Variants in STPG2 observed in about 807,000 individuals in gnomAD.
STPG2 encodes sperm-tail PG-rich repeat-containing protein 2.
In STPG2, 56 loss-of-function variants were observed where a neutral mutation model predicts 54.2. The observed-to-expected ratio is 1.03, with a 90% CI of 0.83 to 1.29. The LOEUF (loss-of-function observed/expected upper bound fraction) is 1.29. Among genes scored for constraint, STPG2 ranks in the 50% most tolerant of loss-of-function variants. The pLI is 0.00. For missense variants in STPG2, 596 were observed against 544.9 expected (o/e 1.09, Z -0.93); for synonymous variants, 200 against 181.8 (o/e 1.10, Z -0.81).
At chr4:97,642,268 T>C (rs1721787433) in intron 10 of STPG2, among the ~76,000 whole-genome samples, 1 of 151,336 alleles carries the variant, frequency 6.6e-6, no homozygotes, top group African/African-American at 2.4e-5. Flanking sequence ...AATTCATACA[T>C]TTTATATGTA....
intron 9 of STPG2, among the ~76,000 whole-genome samples, chr4:97,824,084 G>T (rs769092083): frequency 1.3e-5 from 2 of 152,304 alleles, no homozygotes; most frequent in Non-Finnish European, 2.9e-5. Flanking sequence ...AATTAGGCAT[G>T]TACAGGATCA....
At chr4:97,942,001 T>TA in intron 8 of STPG2, among the ~76,000 whole-genome samples, 1 of 151,948 alleles carries the variant, frequency 6.6e-6, no homozygotes, top group Middle Eastern at 3.4e-3. Flanking sequence ...GGGACAAAGT[T>TA]AAAAGAAAAA....
At chr4:97,966,346 C>T (rs190780856) in intron 7 of STPG2, among the ~76,000 whole-genome samples, 1 of 143,810 alleles carries the variant, frequency 7.0e-6, no homozygotes, top group Non-Finnish European at 1.5e-5. Context: ...AAGGAACCAA[C>T]AAAACCTCTA....
chr4:97,468,181 A>G (rs1578322316), intron 4 of STPG2, among the ~76,000 whole-genome samples: 1 of 152,002 alleles, frequency 6.6e-6, no homozygotes, highest in African/African-American at 2.4e-5. Flanking sequence ...AATATTTGTC[A>G]AACTTTTTTT....
At chr4:97,981,346 T>A (rs1030091689) in intron 5 of STPG2, 28 bp from the exon 6 acceptor site, 4 of 1,610,912 alleles carry the variant, frequency 2.5e-6, no homozygotes, top group Non-Finnish European at 2.5e-6. Context: ...AATATGCCAA[T>A]AAGAAAGTAT....
intron 5 of STPG2, among the ~76,000 whole-genome samples, chr4:98,057,597 A>G (rs889672506): frequency 6.6e-6 from 1 of 152,194 alleles, no homozygotes; most frequent in African/African-American, 2.4e-5. Context: ...GGTGTCCCCA[A>G]AAGAGAAAAG....
At chr4:97,785,759 A>G (rs1226296269) in intron 9 of STPG2, among the ~76,000 whole-genome samples, 1 of 152,066 alleles carries the variant, frequency 6.6e-6, no homozygotes, top group Non-Finnish European at 1.5e-5. Context: ...TTATAGAAAT[A>G]CTTTGATTAG....
chr4:98,082,640 G>C (rs1738384823), intron 5 of STPG2, among the ~76,000 whole-genome samples: 1 of 151,480 alleles, frequency 6.6e-6, no homozygotes, highest in African/African-American at 2.4e-5. Flanking sequence ...TTTTAGTAGA[G>C]ACGGGGTTTC....
intron 4 of STPG2, among the ~76,000 whole-genome samples, chr4:97,538,543 G>A (rs984946019): frequency 6.6e-6 from 1 of 152,190 alleles, no homozygotes; most frequent in Admixed American, 6.5e-5. Context: ...GGGACTATGT[G>A]AAAAGACCAA....
rs564083758 is a variant in STPG2 at position 97,532,640 on chromosome 4, G to C, written c.462+180059C>G. ...TAACTGTATTCATGGCGGTTCAGGA[G>C]GAAAATGGAAAATGCCTTAATGGGG... On this transcript the variant is annotated intron_variant, in intron 4 of 4. Transcript: ENST00000522676. Among the ~76,000 whole-genome samples, 13 of 152,244 alleles carry C rather than the reference G, an allele frequency of 8.5e-5. No homozygotes were observed. The South Asian group carries it at 2.3e-3, about 27-fold the overall frequency.
chr4:98,015,059 T>C (rs1735894819), intron 5 of STPG2, among the ~76,000 whole-genome samples: 1 of 151,954 alleles, frequency 6.6e-6, no homozygotes, highest in Admixed American at 6.6e-5. Context: ...GTTTAGGAAT[T>C]TGATTATACA....
At chr4:97,456,390 A>C (rs1729519743) in intron 4 of STPG2, among the ~76,000 whole-genome samples, 1 of 151,934 alleles carries the variant, frequency 6.6e-6, no homozygotes, top group Non-Finnish European at 1.5e-5. Context: ...ATCTTGGGAG[A>C]ATTCACTCAC....
chr4:97,980,957 A>G (rs1560621018), intron 6 of STPG2, among the ~76,000 whole-genome samples: 1 of 152,246 alleles, frequency 6.6e-6, no homozygotes, highest in Non-Finnish European at 1.5e-5. Flanking sequence ...GCAGAATGTT[A>G]AACTGAAATC....
At chr4:97,692,647 C>T (rs1474111953) in intron 10 of STPG2, among the ~76,000 whole-genome samples, 1 of 152,080 alleles carries the variant, frequency 6.6e-6, no homozygotes, top group African/African-American at 2.4e-5. Context: ...GGAAATCTTC[C>T]CCAGCCTTGC....
At chr4:98,021,073 C>T (rs561781781) in intron 5 of STPG2, among the ~76,000 whole-genome samples, 68 of 151,962 alleles carry the variant, frequency 4.5e-4, no homozygotes, top group African/African-American at 1.3e-3. Flanking sequence ...TTTGAATGTG[C>T]TTGCTCTTGC....
intron 10 of STPG2, among the ~76,000 whole-genome samples, chr4:97,606,735 C>T (rs747322637): frequency 6.6e-5 from 10 of 151,962 alleles, no homozygotes; most frequent in Admixed American, 1.3e-4. Context: ...AGCTTTAAGA[C>T]TCTTTATGCT....
chr4:97,676,116 GTA>G (rs1436107124), intron 10 of STPG2, among the ~76,000 whole-genome samples: 1 of 145,942 alleles, frequency 6.9e-6, no homozygotes, highest in Non-Finnish European at 1.5e-5. Flanking sequence ...TATATGTAGT[GTA>G]TATATATATT....
At chr4:97,861,653 T>A (rs1176148873) in intron 8 of STPG2, among the ~76,000 whole-genome samples, 1 of 151,736 alleles carries the variant, frequency 6.6e-6, no homozygotes, top group Non-Finnish European at 1.5e-5. Context: ...AAGAAAAAAA[T>A]GTTAAGGGCA....
intron 10 of STPG2, among the ~76,000 whole-genome samples, chr4:97,654,768 A>G (rs1722173663): frequency 6.6e-6 from 1 of 152,112 alleles, no homozygotes; most frequent in Non-Finnish European, 1.5e-5. Context: ...AAAAATGGTC[A>G]AATAAAGTTC....
Sources: gnomAD v4.1 joint callset for allele counts (sites outside exome capture counted in the v4.1 genomes callset) on GRCh38, gnomAD v4.1.1 for gene constraint, MANE v1.5 for transcripts, NCBI Gene and HGNC (gene_info 2026-07-23, HGNC 2026-07-21) for gene names.